FGF14: variants seen among roughly 807,000 people sequenced by gnomAD.
FGF14 encodes the protein fibroblast growth factor homologous factor 4.
A neutral mutation model predicts 25.5 loss-of-function variants in FGF14; 5 were observed. That is an observed-to-expected ratio of 0.20 (90% CI 0.10 to 0.41). The LOEUF (loss-of-function observed/expected upper bound fraction) is 0.41. FGF14 is among the 10% of genes least tolerant of loss of function. The pLI is 1.00. For missense variants in FGF14, 222 were observed against 320.1 expected (o/e 0.69, Z 2.34); for synonymous variants, 138 against 118.3 (o/e 1.17, Z -1.08).
At chr13:101,778,078 G>A (rs1021799949) in intron 3 of FGF14, among the ~76,000 whole-genome samples, 1 of 152,134 alleles carries the variant, frequency 6.6e-6, no homozygotes, top group Non-Finnish European at 1.5e-5. Flanking sequence ...GAGAGTGCCT[G>A]GTAAATCAAA....
At chr13:101,770,757 T>C (rs2038717057) in intron 3 of FGF14, among the ~76,000 whole-genome samples, 2 of 152,110 alleles carry the variant, frequency 1.3e-5, no homozygotes, top group African/African-American at 4.8e-5. Context: ...AAAAAATTGT[T>C]AATTTGGAGC....
intron 1 of FGF14, among the ~76,000 whole-genome samples, chr13:102,001,148 A>T (rs1190110413): frequency 6.6e-6 from 1 of 152,264 alleles, no homozygotes; most frequent in African/African-American, 2.4e-5. Flanking sequence ...CAGGAGCAGA[A>T]CAATTAAAGA....
Position 101,715,663 on chromosome 13 carries a change from TGA to T in FGF14, c.*7166_*7167del, listed in dbSNP as rs772367838. On this transcript the variant is annotated 3_prime_UTR_variant, in exon 5 of 5. Coordinates refer to ENST00000376143, the MANE Select transcript of FGF14 (RefSeq NM_004115.4). ...GCTCAGAATATCCTTAACAATTACA[TGA>T]GAGAGGTCTGGATTCTTATTTTTTC... is the stretch of plus-strand genomic sequence containing the variant. The T allele has an allele frequency of 6.4e-7, 1 of 1,570,082 alleles. No individual in the cohort carries two copies. The highest frequency in any genetic ancestry group is 1.1e-5 in the South Asian group (1 of 90,186).
chr13:101,882,550 G>GTT (rs35443564), intron 1 of FGF14, among the ~76,000 whole-genome samples: 12 of 145,870 alleles, frequency 8.2e-5, no homozygotes, highest in African/African-American at 2.7e-4. Context: ...TATATTTTCT[G>GTT]TTTTTTTTTT....
chr13:101,996,480 G>A (rs989245902), intron 1 of FGF14, among the ~76,000 whole-genome samples: 1 of 152,064 alleles, frequency 6.6e-6, no homozygotes, highest in Non-Finnish European at 1.5e-5. Flanking sequence ...AAAGAGAAGT[G>A]GTCATGAAAA....
intron 1 of FGF14, among the ~76,000 whole-genome samples, chr13:102,302,480 A>T (rs1298851424): frequency 6.6e-6 from 1 of 152,098 alleles, no homozygotes; most frequent in Non-Finnish European, 1.5e-5. Flanking sequence ...AGGTGGAGCC[A>T]TGGACTCAGT....
intron 1 of FGF14, among the ~76,000 whole-genome samples, chr13:102,164,499 CATGG>C (rs1360449299): frequency 3.3e-5 from 5 of 152,064 alleles, no homozygotes; most frequent in Non-Finnish European, 7.4e-5. Context: ...TGGGATGGAT[CATGG>C]ATGGTTTCCC....
chr13:101,900,883 T>A (rs1037967299), intron 1 of FGF14, among the ~76,000 whole-genome samples: 1 of 152,174 alleles, frequency 6.6e-6, no homozygotes, highest in African/African-American at 2.4e-5. Context: ...TAAAAACTGC[T>A]ATATTTATGA....
At chr13:102,177,074 A>C (rs1235810841) in intron 1 of FGF14, among the ~76,000 whole-genome samples, 2 of 152,200 alleles carry the variant, frequency 1.3e-5, no homozygotes, top group African/African-American at 4.8e-5. Context: ...GAACGACTGC[A>C]CAGTGAAGCA....
chr13:102,318,632 T>C (rs569781614), intron 1 of FGF14, among the ~76,000 whole-genome samples: 1 of 152,316 alleles, frequency 6.6e-6, no homozygotes, highest in South Asian at 2.1e-4. Flanking sequence ...TATCTGTGTA[T>C]AAATTTCCCC....
rs1004060195 is a variant in FGF14 at position 101,720,293 on chromosome 13, C to T, written c.*2538G>A. Reference sequence around the variant, plus strand: ...AACTCAATTACAAATAACAAGGACCCCTCTGCAATATGTCTAAACATATAT... The same window carrying T: ...AACTCAATTACAAATAACAAGGACCTCTCTGCAATATGTCTAAACATATAT... On this transcript the variant is annotated 3_prime_UTR_variant, in exon 5 of 5. Coordinates refer to ENST00000376143, the MANE Select transcript of FGF14 (RefSeq NM_004115.4). 5 of 152,014 alleles carry T rather than the reference C, an allele frequency of 3.3e-5. No individual in the cohort carries two copies. The East Asian group carries it at 7.7e-4, about 24-fold the overall frequency. The allele number at this position is 152,014 out of a possible 1,614,324, so 9.4% of individuals were successfully genotyped here.
At chr13:101,879,722 T>A (rs1230639460) in intron 1 of FGF14, among the ~76,000 whole-genome samples, 1 of 151,598 alleles carries the variant, frequency 6.6e-6, no homozygotes, top group African/African-American at 2.4e-5. Flanking sequence ...CAGTATAGGT[T>A]CTTAAACGTA....
intron 3 of FGF14, among the ~76,000 whole-genome samples, chr13:101,755,235 A>G (rs904800901): frequency 5.3e-5 from 8 of 152,204 alleles, no homozygotes; most frequent in Non-Finnish European, 1.0e-4. Flanking sequence ...GATGCATAAC[A>G]TAAGAATAAA....
At chr13:102,369,496 G>C (rs372463715) in intron 1 of FGF14, among the ~76,000 whole-genome samples, 2 of 152,156 alleles carry the variant, frequency 1.3e-5, no homozygotes, top group African/African-American at 4.8e-5. Context: ...ATGTCTGTTC[G>C]ATGCTGAGTC....
At chr13:101,918,818 T>G (rs1195915684), upstream of FGF14, among the ~76,000 whole-genome samples, 2 of 152,236 alleles carry the variant, frequency 1.3e-5, no homozygotes, top group Non-Finnish European at 2.9e-5. Context: ...TACGACGGTG[T>G]TTGTCATATA....
intron 1 of FGF14, among the ~76,000 whole-genome samples, chr13:102,213,270 A>T (rs900008030): frequency 5.9e-5 from 9 of 152,230 alleles, no homozygotes; most frequent in African/African-American, 2.2e-4. Flanking sequence ...GGAGGACTAT[A>T]TGTTAATACA....
At position 102,135,755 on chromosome 13, in the gene FGF14, A is replaced by C. The variant is rs566775509; in HGVS notation, c.209-260459T>G. On this transcript the variant is annotated intron_variant, in intron 1 of 4. Transcript: ENST00000376131. Reference sequence around the variant, plus strand: ...ACTGCAACCTCTGCCTCCCAGATTCAAGTGATTCTCCTACCTCAGCCTCCC... The same window carrying C: ...ACTGCAACCTCTGCCTCCCAGATTCCAGTGATTCTCCTACCTCAGCCTCCC... Among the ~76,000 whole-genome samples the C allele has an allele frequency of 2.6e-5, 4 of 152,256 alleles. No individual in the cohort carries two copies. In the South Asian group the frequency reaches 8.3e-4, roughly 32 times the overall value.
intron 1 of FGF14, among the ~76,000 whole-genome samples, chr13:102,230,926 T>C (rs2051057193): frequency 6.6e-6 from 1 of 152,234 alleles, no homozygotes; most frequent in African/African-American, 2.4e-5. Flanking sequence ...TTATCTCTAT[T>C]CACCTGGTAA....
At chr13:101,800,344 A>G (rs2040799927) in intron 3 of FGF14, among the ~76,000 whole-genome samples, 1 of 152,214 alleles carries the variant, frequency 6.6e-6, no homozygotes, top group Non-Finnish European at 1.5e-5. Flanking sequence ...ATTGACATCT[A>G]TTCTTCAAAT....
Sources: allele counts gnomAD v4.1 joint callset (sites outside exome capture counted in the v4.1 genomes callset), GRCh38; gene constraint gnomAD v4.1.1; transcripts MANE v1.5; gene names NCBI Gene and HGNC (gene_info 2026-07-23, HGNC 2026-07-21).